Variants in CIT observed in about 807,000 individuals in gnomAD.
CIT encodes the protein citron Rho-interacting kinase.
Under a neutral mutation model 272.7 loss-of-function variants are expected in CIT, and 79 were observed. The ratio of observed to expected loss-of-function variants is 0.29; its 90% confidence interval spans 0.24 to 0.35. The LOEUF (loss-of-function observed/expected upper bound fraction) is 0.35. CIT is among the 10% of genes least tolerant of loss of function. CIT has a pLI of 1.00. For missense variants in CIT, 1,909 were observed against 2,618.3 expected, an observed-to-expected ratio of 0.73 and a Z score of 5.91; for synonymous variants, 948 against 995.6, an observed-to-expected ratio of 0.95 and a Z score of 0.90.
intron 20 of CIT, among the ~76,000 whole-genome samples, chr12:119,759,103 A>G (rs1593625450): frequency 1.3e-5 from 2 of 151,980 alleles, no homozygotes; most frequent in African/African-American, 4.8e-5. Flanking sequence ...ATTCCTTCTC[A>G]CCCAGCCACC....
At chr12:119,843,631 G>T (rs1194853415) in intron 5 of CIT, among the ~76,000 whole-genome samples, 1 of 152,028 alleles carries the variant, frequency 6.6e-6, no homozygotes, top group East Asian at 1.9e-4. Context: ...TTAACATAGT[G>T]AAACCCCGTC....
chr12:119,693,705 G>T (rs1565893800), intron 46 of CIT, among the ~76,000 whole-genome samples: 1 of 152,168 alleles, frequency 6.6e-6, no homozygotes, highest in Non-Finnish European at 1.5e-5. Context: ...TTAATTATTG[G>T]CACTTCTGGT....
intron 28 of CIT, among the ~76,000 whole-genome samples, chr12:119,723,947 A>C (rs1957950769): frequency 6.6e-6 from 1 of 152,210 alleles, no homozygotes; most frequent in Non-Finnish European, 1.5e-5. Context: ...AGACAAATCT[A>C]CCAGAAAAGA....
intron 10 of CIT, among the ~76,000 whole-genome samples, chr12:119,792,938 G>A (rs1303502038): frequency 1.3e-5 from 2 of 151,982 alleles, no homozygotes; most frequent in African/African-American, 4.8e-5. Context: ...CTCCAGCCTG[G>A]CGACAGAGTG....
chr12:119,694,614 G>A lies in CIT; in HGVS notation c.5882+3045C>T, dbSNP rs1217953362. ...AGCCCAGGAGTTCAAGACCAGCCTG[G>A]GCAATGTGGTAAAACCCTGTCTCTA... On this transcript the variant is annotated intron_variant, in intron 46 of 47. Transcript: ENST00000392521. The surrounding 1 kb of genome is among the most constrained non-coding windows in gnomAD (Gnocchi z 4.5). Among the ~76,000 whole-genome samples the A allele has an allele frequency of 2.0e-5, 3 of 151,994 alleles. No individual in the cohort carries two copies. Among genetic ancestry groups the A allele is most frequent in the African/African-American group, 7.3e-5 (3 of 41,362 alleles).
At position 119,690,490 on chromosome 12, in the gene CIT, C is replaced by A. The variant is rs1411155490; in HGVS notation, c.5883-36G>T. Reference sequence around the variant, plus strand: ...AAGAGGAACGTAGGGAGCTGCGAGGCCACAACCCCAGAGGGGCATTTTCCT... The same window carrying A: ...AAGAGGAACGTAGGGAGCTGCGAGGACACAACCCCAGAGGGGCATTTTCCT... On this transcript the variant is annotated intron_variant, in intron 46 of 47. Coordinates refer to ENST00000392521, the MANE Select transcript of CIT (RefSeq NM_001206999.2). This position sits in a 1 kb window ranked among gnomAD's most constrained non-coding sequence, Gnocchi z 6.0. 2.6e-6 allele frequency: 4 copies of A among 1,526,742 alleles called. No individual in the cohort carries two copies. Among genetic ancestry groups the A allele is most frequent in the Non-Finnish European group, 3.5e-6 (4 of 1,147,796 alleles). 94.6% of individuals were successfully genotyped at this position (1,526,742 alleles called of 1,614,324 possible).
intron 5 of CIT, among the ~76,000 whole-genome samples, chr12:119,844,389 CT>C (rs1447100144): frequency 7.9e-5 from 12 of 151,986 alleles, no homozygotes; most frequent in Non-Finnish European, 1.2e-4. Flanking sequence ...ATCAAACACA[CT>C]CATAATTTTA....
intron 3 of CIT, among the ~76,000 whole-genome samples, chr12:119,866,935 CT>C: frequency 6.6e-6 from 1 of 152,210 alleles, no homozygotes; most frequent in Non-Finnish European, 1.5e-5. Context: ...GCATCACAGG[CT>C]GTAGTTCCTT....
intron 5 of CIT, among the ~76,000 whole-genome samples, chr12:119,847,736 C>A (rs901411650): frequency 4.6e-5 from 7 of 151,906 alleles, no homozygotes; most frequent in African/African-American, 1.7e-4. Flanking sequence ...ACTAAAAATA[C>A]AAAAATTAGC....
chr12:119,734,161 C>T lies in CIT; in HGVS notation c.3350+3G>A, dbSNP rs375190396. The T allele has an allele frequency of 1.4e-5, 23 of 1,613,166 alleles. No individual in the cohort carries two copies. The African/African-American group carries it at 2.9e-4, about 21-fold the overall frequency. ...TGAGCTTTCCACAAACACAAAGCCC[C>T]ACCTGCTCTGTTTCTCGGTGTCCAG... On this transcript the variant is annotated splice_donor_region_variant and intron_variant, in intron 26 of 47. Coordinates refer to ENST00000392521, the MANE Select transcript of CIT (RefSeq NM_001206999.2).
At chr12:119,871,311 C>T (rs1950670524) in intron 2 of CIT, among the ~76,000 whole-genome samples, 1 of 152,130 alleles carries the variant, frequency 6.6e-6, no homozygotes, top group Non-Finnish European at 1.5e-5. Flanking sequence ...AGCAGAACTA[C>T]CTAGCTGAGT....
intron 7 of CIT, among the ~76,000 whole-genome samples, chr12:119,828,820 G>A (rs1216725047): frequency 3.9e-5 from 6 of 152,094 alleles, no homozygotes; most frequent in East Asian, 1.9e-4. Flanking sequence ...TGCTCGCCTC[G>A]GCCTCCCAAA....
chr12:119,803,385 A>G lies in CIT; in HGVS notation c.1116T>C (p.Pro372=). ...ACTTGAGGGTGGGAACGAAGGGGGG[A>G]GGAGCTGGTTAAAGAAAAACAAGAA... The part of the protein sequence containing the change: ...KIDWNNIRNS[P]PPFVPTLKSD... Residue 372 remains proline, a synonymous_variant, in exon 10 of 48, where the codon CCT becomes CCC. Coordinates refer to ENST00000392521, the MANE Select transcript of CIT (RefSeq NM_001206999.2). 1 of 1,556,072 alleles carries G rather than the reference A, an allele frequency of 6.4e-7. No individual in the cohort carries two copies. Among genetic ancestry groups the G allele is most frequent in the African/African-American group, 1.4e-5 (1 of 71,142 alleles).
intron 24 of CIT, among the ~76,000 whole-genome samples, chr12:119,736,649 T>C (rs931515115): frequency 6.6e-6 from 1 of 152,254 alleles, no homozygotes; most frequent in African/African-American, 2.4e-5. Flanking sequence ...ATACATTCTT[T>C]ATCAAGGAAG....
In CIT at chr12:119,710,800, G is replaced by C; in HGVS notation, c.4855-180C>G. 1 of 680,578 alleles carries C rather than the reference G, an allele frequency of 1.5e-6. No individual in the cohort carries two copies. Among genetic ancestry groups the C allele is most frequent in the East Asian group, 2.8e-5 (1 of 36,326 alleles). The allele number at this position is 680,578 out of a possible 1,614,324, so 42.2% of individuals were successfully genotyped here. A position where few individuals can be genotyped will look rare whatever the true frequency, so the allele number is the denominator to read the frequency against. Reference sequence around the variant, plus strand: ...GATCTGAGCTCCAAATGCAAAATGCGAGTGCTATTGGTATCTCTGGGGCAG... The same window carrying C: ...GATCTGAGCTCCAAATGCAAAATGCCAGTGCTATTGGTATCTCTGGGGCAG... On this transcript the variant is annotated intron_variant, in intron 37 of 47. Coordinates refer to ENST00000392521, the MANE Select transcript of CIT (RefSeq NM_001206999.2). This position sits in a 1 kb window ranked among gnomAD's most constrained non-coding sequence, Gnocchi z 5.6.
intron 10 of CIT, among the ~76,000 whole-genome samples, chr12:119,785,650 G>A (rs1367089945): frequency 2.0e-5 from 3 of 151,968 alleles, no homozygotes; most frequent in Admixed American, 1.3e-4. Flanking sequence ...TGCAACCTCG[G>A]CTCACTGCAA....
intron 10 of CIT, among the ~76,000 whole-genome samples, chr12:119,794,964 C>G (rs568844579): frequency 2.0e-5 from 3 of 152,356 alleles, no homozygotes; most frequent in Middle Eastern, 3.4e-3. Context: ...ATGTCTCATT[C>G]ACACAACAAG....
At chr12:119,807,183 GAAGC>G (rs1275863126) in intron 9 of CIT, among the ~76,000 whole-genome samples, 1 of 152,218 alleles carries the variant, frequency 6.6e-6, no homozygotes, top group Non-Finnish European at 1.5e-5. Context: ...CACAGTTCAA[GAAGC>G]ATTTGTGTAC....
Position 119,770,765 on chromosome 12 carries a change from C to G in CIT, c.2208+20G>C. 6.2e-7 allele frequency: 1 copy of G among 1,612,504 alleles called. No homozygotes were observed. On this transcript the variant is annotated intron_variant, in intron 18 of 47. Coordinates refer to ENST00000392521, the MANE Select transcript of CIT (RefSeq NM_001206999.2). The surrounding 1 kb of genome is among the most constrained non-coding windows in gnomAD (Gnocchi z 4.4). Reference sequence around the variant, plus strand: ...TCTAACCTGTTATCTTTTAACTTTGCGACTTTCATTCCTGCTCACCAGAAT... The same window carrying G: ...TCTAACCTGTTATCTTTTAACTTTGGGACTTTCATTCCTGCTCACCAGAAT...
Sources: allele counts gnomAD v4.1 joint callset (sites outside exome capture counted in the v4.1 genomes callset), GRCh38; gene constraint gnomAD v4.1.1; non-coding constraint Gnocchi (gnomAD v3.1); transcripts MANE v1.5; gene names NCBI Gene and HGNC (gene_info 2026-07-23, HGNC 2026-07-21).